The following SORCS3 variants were observed in gnomAD, a reference collection of about 807,000 sequenced individuals.
The protein encoded by SORCS3 is sortilin related VPS10 domain containing receptor 3.
SORCS3 carries 57 observed loss-of-function variants against 146.3 expected under a neutral mutation model. That is an observed-to-expected ratio of 0.39 (90% CI 0.31 to 0.49). SORCS3 has a LOEUF of 0.49. Ranked by LOEUF, SORCS3 falls within the 20% of genes least tolerant of loss-of-function variation. The pLI, the probability that SORCS3 is intolerant of heterozygous loss-of-function variation, is 0.92. For synonymous variants in SORCS3, 653 were observed against 618.5 expected (o/e 1.06, Z -0.83); for missense variants, 1,341 against 1,575.5 (o/e 0.85, Z 2.52).
At chr10:104,795,464 T>A (rs1282988528) in intron 1 of SORCS3, among the ~76,000 whole-genome samples, 1 of 152,246 alleles carries the variant, frequency 6.6e-6, no homozygotes, top group Non-Finnish European at 1.5e-5. Context: ...ACAAAAATAT[T>A]TTTTGCTTTA....
intron 1 of SORCS3, among the ~76,000 whole-genome samples, chr10:104,829,761 A>G (rs962423583): frequency 2.0e-5 from 3 of 152,182 alleles, no homozygotes; most frequent in African/African-American, 7.2e-5. Flanking sequence ...TTCACTTTAC[A>G]GGGATCTGGT....
At chr10:104,887,239 G>A (rs1317332359) in intron 2 of SORCS3, among the ~76,000 whole-genome samples, 1 of 152,160 alleles carries the variant, frequency 6.6e-6, no homozygotes, top group East Asian at 1.9e-4. Flanking sequence ...GCAGTGGTTG[G>A]GAAGACTTTT....
chr10:104,864,764 T>C (rs1385346746), intron 2 of SORCS3, among the ~76,000 whole-genome samples: 2 of 152,206 alleles, frequency 1.3e-5, no homozygotes, highest in Non-Finnish European at 2.9e-5. Flanking sequence ...TGTGAGATAC[T>C]GCAAGAGGAC....
At chr10:105,110,451 C>A (rs1039340842) in intron 7 of SORCS3, among the ~76,000 whole-genome samples, 1 of 151,742 alleles carries the variant, frequency 6.6e-6, no homozygotes, top group Non-Finnish European at 1.5e-5. Flanking sequence ...ATGCTATTTT[C>A]TTTTATCTTT....
At chr10:104,869,439 A>G (rs2018493602) in intron 2 of SORCS3, among the ~76,000 whole-genome samples, 1 of 152,218 alleles carries the variant, frequency 6.6e-6, no homozygotes, top group Non-Finnish European at 1.5e-5. Flanking sequence ...GCTCACTCAC[A>G]TTGAAGAGGG....
chr10:104,702,842 A>G (rs1011751817), intron 1 of SORCS3, among the ~76,000 whole-genome samples: 1 of 152,212 alleles, frequency 6.6e-6, no homozygotes, highest in Non-Finnish European at 1.5e-5. Flanking sequence ...TCTGGTTTCA[A>G]CTATACGAAT....
At chr10:104,669,944 T>A (rs2015831482) in intron 1 of SORCS3, among the ~76,000 whole-genome samples, 1 of 152,104 alleles carries the variant, frequency 6.6e-6, no homozygotes, top group East Asian at 1.9e-4. Context: ...TAGCTCATTG[T>A]AGTTTTTATT....
At chr10:105,255,514 C>A (rs1247204266) in intron 23 of SORCS3, among the ~76,000 whole-genome samples, 188 bp from the exon 24 acceptor site, 1 of 152,128 alleles carries the variant, frequency 6.6e-6, no homozygotes, top group East Asian at 1.9e-4. Flanking sequence ...CAAGGGTCAA[C>A]TGTACTTCCT....
intron 1 of SORCS3, among the ~76,000 whole-genome samples, chr10:104,706,795 C>A (rs974400838): frequency 6.6e-6 from 1 of 152,142 alleles, no homozygotes; most frequent in Non-Finnish European, 1.5e-5. Flanking sequence ...TGTATATGCA[C>A]ACATACATAA....
At chr10:104,782,663 AG>A (rs2133493315) in intron 1 of SORCS3, among the ~76,000 whole-genome samples, 1 of 152,310 alleles carries the variant, frequency 6.6e-6, no homozygotes, top group East Asian at 1.9e-4. Context: ...GTGGTGAGAT[AG>A]GAAGTGCCCT....
chr10:104,748,295 A>G (rs1409547508), intron 1 of SORCS3, among the ~76,000 whole-genome samples: 3 of 152,160 alleles, frequency 2.0e-5, no homozygotes, highest in Non-Finnish European at 4.4e-5. Flanking sequence ...ATTAGATCTT[A>G]TTTTGGTTAT....
chr10:104,649,603 C>T (rs1046420871), intron 1 of SORCS3, among the ~76,000 whole-genome samples: 1 of 152,186 alleles, frequency 6.6e-6, no homozygotes, highest in African/African-American at 2.4e-5. Flanking sequence ...TCATTTCAAC[C>T]ACCTCCCATA....
chr10:105,054,352 C>G (rs974810111), intron 5 of SORCS3, among the ~76,000 whole-genome samples: 3 of 151,704 alleles, frequency 2.0e-5, no homozygotes, highest in Non-Finnish European at 2.9e-5. Context: ...CATGTAAATA[C>G]AAACTTTTTA....
chr10:104,828,606 G>A (rs1187114732), intron 1 of SORCS3, among the ~76,000 whole-genome samples: 1 of 152,130 alleles, frequency 6.6e-6, no homozygotes, highest in African/African-American at 2.4e-5. Context: ...CATGCTGTTG[G>A]AAACATGGTT....
chr10:104,721,454 A>G (rs1275452369), intron 1 of SORCS3, among the ~76,000 whole-genome samples: 1 of 152,188 alleles, frequency 6.6e-6, no homozygotes, highest in Non-Finnish European at 1.5e-5. Flanking sequence ...TGACTTGGCA[A>G]TGCGGGCTCT....
intron 6 of SORCS3, among the ~76,000 whole-genome samples, chr10:105,092,435 A>G (rs2055716709): frequency 6.6e-6 from 1 of 152,164 alleles, no homozygotes; most frequent in Non-Finnish European, 1.5e-5. Flanking sequence ...TTTAATAGCT[A>G]AAATAATGCT....
At chr10:105,085,993 AT>A (rs774146432) in intron 5 of SORCS3, among the ~76,000 whole-genome samples, 86 of 149,172 alleles carry the variant, frequency 5.8e-4, no homozygotes, top group Middle Eastern at 6.8e-3. Context: ...CACACTGTCA[AT>A]TTTTTTTTTC....
intron 7 of SORCS3, among the ~76,000 whole-genome samples, chr10:105,125,274 T>A (rs917293944): frequency 2.6e-5 from 4 of 152,192 alleles, no homozygotes; most frequent in African/African-American, 9.6e-5. Flanking sequence ...AACCTGTAAT[T>A]CTTAGAGATT....
intron 1 of SORCS3, among the ~76,000 whole-genome samples, chr10:104,784,301 C>G (rs1873303): frequency 1.3e-5 from 2 of 152,082 alleles, no homozygotes; most frequent in Non-Finnish European, 2.9e-5. Flanking sequence ...CTCCTGGTAT[C>G]TAGTGAGTAG....
Sources: allele counts gnomAD v4.1 joint callset (sites outside exome capture counted in the v4.1 genomes callset), GRCh38; gene constraint gnomAD v4.1.1; transcripts MANE v1.5; gene names NCBI Gene and HGNC (gene_info 2026-07-23, HGNC 2026-07-21).